Variants in LMTK2 observed in about 807,000 individuals in gnomAD.
The protein encoded by LMTK2 is serine/threonine-protein kinase LMTK2.
LMTK2 carries 37 observed loss-of-function variants against 127.5 expected under a neutral mutation model. The ratio of observed to expected loss-of-function variants is 0.29; its 90% CI spans 0.22 to 0.38. The LOEUF is 0.38. LMTK2 is among the 10% of genes least tolerant of loss of function. The pLI is 1.00. For missense variants in LMTK2, 1,694 were observed against 1,920.3 expected (o/e 0.88, Z 2.20); for synonymous variants, 819 against 810.1 (o/e 1.01, Z -0.19).
chr7:98,168,330 G>A (rs1318061788), intron 6 of LMTK2, among the ~76,000 whole-genome samples: 1 of 152,206 alleles, frequency 6.6e-6, no homozygotes, highest in African/African-American at 2.4e-5. Context: ...GTGGGCGGGG[G>A]GACCAGTGGT....
chr7:98,144,505 T>C (rs910126702), intron 3 of LMTK2, among the ~76,000 whole-genome samples: 2 of 152,116 alleles, frequency 1.3e-5, no homozygotes, highest in Non-Finnish European at 2.9e-5. Flanking sequence ...GTGACCTATT[T>C]TCCACTGCTG....
intron 6 of LMTK2, among the ~76,000 whole-genome samples, chr7:98,169,134 CA>C (rs1797148077): frequency 6.6e-6 from 1 of 152,100 alleles, no homozygotes; most frequent in African/African-American, 2.4e-5. Flanking sequence ...CTTTCTGAAA[CA>C]TAGAACTAAC....
chr7:98,159,014 C>T (rs1796973333), intron 5 of LMTK2, among the ~76,000 whole-genome samples: 3 of 152,136 alleles, frequency 2.0e-5, no homozygotes, highest in African/African-American at 4.8e-5. Context: ...GCTATGATTG[C>T]ACCACTGCAC....
intron 1 of LMTK2, among the ~76,000 whole-genome samples, chr7:98,133,918 C>G (rs1362699466): frequency 6.6e-6 from 1 of 152,166 alleles, no homozygotes; most frequent in Non-Finnish European, 1.5e-5. Context: ...AACAAAAACT[C>G]TGGGTGCAAG....
At chr7:98,158,383 T>C (rs1796960399) in intron 5 of LMTK2, among the ~76,000 whole-genome samples, 1 of 152,192 alleles carries the variant, frequency 6.6e-6, no homozygotes, top group Admixed American at 6.5e-5. Context: ...CACGCAATAC[T>C]CCCGGCTCAG....
At chr7:98,162,917 A>G (rs905325575) in intron 6 of LMTK2, among the ~76,000 whole-genome samples, 2 of 152,228 alleles carry the variant, frequency 1.3e-5, no homozygotes, top group East Asian at 3.8e-4. Context: ...GGATAAACCA[A>G]ATCTGCTCTC....
intron 1 of LMTK2, among the ~76,000 whole-genome samples, chr7:98,130,385 C>CT (rs1347475539): frequency 6.6e-6 from 1 of 152,196 alleles, no homozygotes; most frequent in Non-Finnish European, 1.5e-5. Flanking sequence ...CCCAGCCACT[C>CT]TGTTTCTGTC....
intron 5 of LMTK2, among the ~76,000 whole-genome samples, chr7:98,158,709 A>G (rs1050582130): frequency 6.6e-6 from 1 of 152,204 alleles, no homozygotes; most frequent in African/African-American, 2.4e-5. Context: ...ATATGGGCGG[A>G]TGTGCGTAGG....
rs1007773780 is a variant in LMTK2, at chr7:98,155,017, G to A, written c.569+141G>A. ...GGTCTCATAAGACCTAAAATGTCCA[G>A]GCGTCATCTGAAAATCACTTAGCAT... is the stretch of plus-strand genomic sequence containing the variant. On this transcript the variant is annotated intron_variant, in intron 5 of 13. Coordinates refer to ENST00000297293, the MANE Select transcript of LMTK2 (RefSeq NM_014916.4). 1.2e-5 allele frequency: 7 copies of A among 576,386 alleles called. No homozygotes were observed. In the Admixed American group the frequency reaches 1.7e-4, roughly 14 times the overall value. The allele number at this position is 576,386 out of a possible 1,614,324, so 35.7% of individuals were successfully genotyped here.
At chr7:98,146,041 T>A (rs929137633) in intron 3 of LMTK2, among the ~76,000 whole-genome samples, 8 of 152,202 alleles carry the variant, frequency 5.3e-5, no homozygotes, top group African/African-American at 1.7e-4. Flanking sequence ...TCCAGTTGTC[T>A]CACTTAACAG....
chr7:98,141,813 C>G (rs1191609360), intron 3 of LMTK2, among the ~76,000 whole-genome samples: 1 of 152,218 alleles, frequency 6.6e-6, no homozygotes, highest in Admixed American at 6.5e-5. Flanking sequence ...CTCCCAGGCT[C>G]TGTTCTGGAG....
At chr7:98,157,418 A>G (rs1796942591) in intron 5 of LMTK2, among the ~76,000 whole-genome samples, 1 of 152,176 alleles carries the variant, frequency 6.6e-6, no homozygotes, top group Non-Finnish European at 1.5e-5. Context: ...GGCCCAGCCA[A>G]GGTGACACAC....
chr7:98,186,011 C>A (rs1797427168), intron 8 of LMTK2, among the ~76,000 whole-genome samples: 1 of 151,862 alleles, frequency 6.6e-6, no homozygotes, highest in South Asian at 2.1e-4. Context: ...GTGTCTCGAG[C>A]ACTTGCTAGA....
At chr7:98,147,170 C>T (rs903551779) in intron 3 of LMTK2, among the ~76,000 whole-genome samples, 3 of 151,246 alleles carry the variant, frequency 2.0e-5, no homozygotes, top group Admixed American at 1.3e-4. Context: ...ATTCGGGATT[C>T]TGTGTCTTCG....
At chr7:98,143,283 G>T (rs1262061560) in intron 3 of LMTK2, among the ~76,000 whole-genome samples, 2 of 152,130 alleles carry the variant, frequency 1.3e-5, no homozygotes, top group African/African-American at 4.8e-5. Flanking sequence ...GGATACGAGA[G>T]GCCTTTCCAA....
chr7:98,162,982 T>C (rs1034768374), intron 6 of LMTK2, among the ~76,000 whole-genome samples: 16 of 152,166 alleles, frequency 1.1e-4, no homozygotes, highest in Non-Finnish European at 2.2e-4. Context: ...GGCTACAGCA[T>C]GAATGAACCT....
intron 6 of LMTK2, among the ~76,000 whole-genome samples, chr7:98,164,281 G>A (rs996888099): frequency 3.9e-5 from 6 of 152,188 alleles, no homozygotes; most frequent in Admixed American, 1.3e-4. Flanking sequence ...AAGGCAATGA[G>A]ACTTTTGATT....
chr7:98,123,525 T>C (rs1796397361), intron 1 of LMTK2, among the ~76,000 whole-genome samples: 1 of 152,130 alleles, frequency 6.6e-6, no homozygotes, highest in Non-Finnish European at 1.5e-5. Flanking sequence ...GTGGCCGCTG[T>C]CCAGCCTCTT....
intron 6 of LMTK2, among the ~76,000 whole-genome samples, chr7:98,166,149 C>G (rs1797095515): frequency 6.6e-6 from 1 of 152,360 alleles, no homozygotes; most frequent in East Asian, 1.9e-4. Flanking sequence ...GGTGCCTGCT[C>G]TCCCTCCCCT....
Sources: gnomAD v4.1 joint callset for allele counts (sites outside exome capture counted in the v4.1 genomes callset) on GRCh38, gnomAD v4.1.1 for gene constraint, MANE v1.5 for transcripts, NCBI Gene and HGNC (gene_info 2026-07-23, HGNC 2026-07-21) for gene names.